Variants in KCNIP4 observed in about 807,000 individuals in gnomAD.
KCNIP4 encodes Kv channel-interacting protein 4.
A neutral mutation model predicts 34.0 loss-of-function variants in KCNIP4; 12 were observed. The ratio of observed to expected loss-of-function variants is 0.35; its 90% confidence interval spans 0.23 to 0.57. The LOEUF is 0.57. KCNIP4 is among the 20% of genes least tolerant of loss of function. The pLI is 0.83. For missense variants in KCNIP4, 238 were observed against 311.7 expected (o/e 0.76, Z 1.78); for synonymous variants, 124 against 102.2 (o/e 1.21, Z -1.29).
intron 1 of KCNIP4, among the ~76,000 whole-genome samples, chr4:21,256,429 A>G (rs1437106307): frequency 4.0e-5 from 6 of 151,464 alleles, no homozygotes; most frequent in Non-Finnish European, 8.8e-5. Context: ...AAAAAAAAAA[A>G]AAAAAAAGGA....
intron 1 of KCNIP4, among the ~76,000 whole-genome samples, chr4:20,962,270 C>T (rs1005951657): frequency 6.6e-6 from 1 of 152,218 alleles, no homozygotes. Flanking sequence ...TCACTCCTGA[C>T]ACCTAATTGC....
chr4:20,814,194 G>T (rs1340090428), intron 3 of KCNIP4, among the ~76,000 whole-genome samples: 1 of 152,164 alleles, frequency 6.6e-6, no homozygotes, highest in East Asian at 1.9e-4. Flanking sequence ...AACTGAAACA[G>T]AATTTGCCTT....
chr4:21,332,764 T>C (rs1484607576), intron 1 of KCNIP4, among the ~76,000 whole-genome samples: 1 of 151,988 alleles, frequency 6.6e-6, no homozygotes, highest in Non-Finnish European at 1.5e-5. Flanking sequence ...TCTGTCCTCC[T>C]TGTTTCTGAT....
intron 1 of KCNIP4, among the ~76,000 whole-genome samples, chr4:20,916,168 C>G (rs1283549684): frequency 6.6e-6 from 1 of 152,186 alleles, no homozygotes; most frequent in Non-Finnish European, 1.5e-5. Context: ...ACAATCAGCT[C>G]TGTCCACCTT....
chr4:20,839,494 T>TTA (rs71181593), intron 3 of KCNIP4, among the ~76,000 whole-genome samples: 29,068 of 123,946 alleles, frequency 0.23, 3,051 homozygotes, highest in South Asian at 0.45. Context: ...TATATCTATA[T>TTA]TATATATATA....
chr4:21,558,515 T>A (rs201595112), intron 1 of KCNIP4, among the ~76,000 whole-genome samples: 30 of 72,224 alleles, frequency 4.2e-4, no homozygotes, highest in Admixed American at 1.3e-3. Flanking sequence ...TAAATAAATA[T>A]ATAAATAAAA....
chr4:21,635,483 T>C (rs1022723877), intron 1 of KCNIP4, among the ~76,000 whole-genome samples: 13 of 152,100 alleles, frequency 8.5e-5, no homozygotes, highest in Non-Finnish European at 2.9e-5. Context: ...GCGAAGGACA[T>C]GAACAGACAC....
chr4:21,869,729 GATA>G (rs1725651725), intron 1 of KCNIP4, among the ~76,000 whole-genome samples: 4 of 6,768 alleles, frequency 5.9e-4, no homozygotes, highest in African/African-American at 1.1e-3. Flanking sequence ...GAGATAAGGA[GATA>G]GATAGATAGA....
chr4:21,910,722 G>A (rs1219485172), intron 1 of KCNIP4, among the ~76,000 whole-genome samples: 1 of 152,132 alleles, frequency 6.6e-6, no homozygotes, highest in Admixed American at 6.6e-5. Flanking sequence ...AGAGGCAAAT[G>A]AAATTTGATT....
chr4:21,129,161 G>C (rs927094964), intron 1 of KCNIP4, among the ~76,000 whole-genome samples: 4 of 152,182 alleles, frequency 2.6e-5, no homozygotes, highest in African/African-American at 9.7e-5. Flanking sequence ...GAGTTCCCTT[G>C]CACAAGCTCT....
At chr4:21,050,490 T>C (rs1742827183) in intron 1 of KCNIP4, among the ~76,000 whole-genome samples, 1 of 152,174 alleles carries the variant, frequency 6.6e-6, no homozygotes, top group South Asian at 2.1e-4. Context: ...GTCTCCATAG[T>C]TAAAGACCAA....
intron 1 of KCNIP4, among the ~76,000 whole-genome samples, chr4:21,440,152 G>C (rs190295703): frequency 2.0e-5 from 3 of 152,330 alleles, no homozygotes; most frequent in African/African-American, 7.2e-5. Flanking sequence ...AAATTCACTA[G>C]TATCCAGCTT....
chr4:21,298,776 G>A (rs982600327), intron 1 of KCNIP4, among the ~76,000 whole-genome samples: 2 of 152,112 alleles, frequency 1.3e-5, no homozygotes, highest in African/African-American at 4.8e-5. Context: ...GAAGATTACA[G>A]TACACATGCT....
intron 1 of KCNIP4, among the ~76,000 whole-genome samples, chr4:21,312,031 A>AC (rs1021574372): frequency 6.6e-6 from 1 of 152,160 alleles, no homozygotes; most frequent in Non-Finnish European, 1.5e-5. Context: ...AAGGATCAAC[A>AC]CCACACCCAG....
intron 1 of KCNIP4, among the ~76,000 whole-genome samples, chr4:21,419,312 T>C (rs16871057): frequency 0.01 from 1,546 of 152,256 alleles, 27 homozygotes; most frequent in African/African-American, 0.035. Flanking sequence ...GGTTTCCTAG[T>C]GCATATTCCT....
intron 1 of KCNIP4, among the ~76,000 whole-genome samples, chr4:20,909,318 A>G (rs965126292): frequency 6.6e-6 from 1 of 152,152 alleles, no homozygotes; most frequent in Non-Finnish European, 1.5e-5. Context: ...GGGTGATGTT[A>G]TATGCAAGAA....
chr4:21,447,803 C>T (rs1176024624), intron 1 of KCNIP4, among the ~76,000 whole-genome samples: 1 of 152,004 alleles, frequency 6.6e-6, no homozygotes, highest in Non-Finnish European at 1.5e-5. Flanking sequence ...GAACTGAGAG[C>T]TACTAAGTGA....
intron 1 of KCNIP4, among the ~76,000 whole-genome samples, chr4:21,084,460 A>G (rs1009669451): frequency 6.7e-6 from 1 of 149,582 alleles, no homozygotes; most frequent in Admixed American, 6.7e-5. Context: ...TCCTTTCTCC[A>G]TGCCATTTGG....
chr4:21,009,021 A>AG (rs71182704), intron 1 of KCNIP4, among the ~76,000 whole-genome samples: 2 of 151,818 alleles, frequency 1.3e-5, no homozygotes, highest in Non-Finnish European at 2.9e-5. Context: ...TAGAAAAAAA[A>AG]TATCTTTCAC....
Sources: gnomAD v4.1 joint callset for allele counts (sites outside exome capture counted in the v4.1 genomes callset) on GRCh38, gnomAD v4.1.1 for gene constraint, MANE v1.5 for transcripts, NCBI Gene and HGNC (gene_info 2026-07-23, HGNC 2026-07-21) for gene names.